B3GAT2: variants seen among roughly 807,000 people sequenced by gnomAD.
B3GAT2 encodes galactosylgalactosylxylosylprotein 3-beta-glucuronosyltransferase 2.
In B3GAT2, 26 loss-of-function variants were observed where a neutral mutation model predicts 27.8. The observed-to-expected ratio is 0.93, with a 90% CI of 0.68 to 1.30. The LOEUF (loss-of-function observed/expected upper bound fraction) is 1.30, where lower values mean the gene tolerates loss of function less well. Among genes scored for constraint, B3GAT2 ranks in the 50% most tolerant of loss-of-function variants. The pLI is 0.00. For missense variants in B3GAT2, 458 were observed against 459.0 expected, an observed-to-expected ratio of 1.00 and a Z score of 0.02; for synonymous variants, 218 against 195.1, an observed-to-expected ratio of 1.12 and a Z score of -0.98.
intron 2 of B3GAT2, among the ~76,000 whole-genome samples, chr6:70,887,457 T>G (rs1450664690): frequency 6.6e-6 from 1 of 152,170 alleles, no homozygotes; most frequent in Non-Finnish European, 1.5e-5. Flanking sequence ...TTTTAAAGGT[T>G]TGCCTGGTAA....
chr6:70,863,979 TG>T (rs1283233968), intron 2 of B3GAT2, among the ~76,000 whole-genome samples: 1 of 151,958 alleles, frequency 6.6e-6, no homozygotes, highest in East Asian at 1.9e-4. Context: ...GATAACGTAG[TG>T]TCCTTTCCAA....
intron 2 of B3GAT2, among the ~76,000 whole-genome samples, chr6:70,864,061 CTTTTTTTTTT>C (rs35544177): frequency 7.7e-5 from 10 of 129,794 alleles, no homozygotes; most frequent in African/African-American, 2.8e-4. Context: ...AAGCTTTATC[CTTTTTTTTTT>C]TTTTTTTTTT....
At chr6:70,914,241 T>C (rs1283622281) in intron 1 of B3GAT2, among the ~76,000 whole-genome samples, 1 of 152,174 alleles carries the variant, frequency 6.6e-6, no homozygotes, top group African/African-American at 2.4e-5. Flanking sequence ...CATCAACTCG[T>C]CATTTACATT....
intron 1 of B3GAT2, among the ~76,000 whole-genome samples, chr6:70,901,580 G>A (rs1438819752): frequency 2.0e-5 from 3 of 152,222 alleles, no homozygotes; most frequent in Non-Finnish European, 4.4e-5. Context: ...GTGAATTTGT[G>A]TACATTTGAC....
intron 1 of B3GAT2, among the ~76,000 whole-genome samples, chr6:70,895,953 T>C (rs1239402750): frequency 3.9e-5 from 6 of 152,152 alleles, no homozygotes; most frequent in African/African-American, 1.4e-4. Flanking sequence ...CCTTGGCTAG[T>C]GTCCGGGAAC....
chr6:70,914,072 A>G (rs544240276), intron 1 of B3GAT2, among the ~76,000 whole-genome samples: 44 of 152,218 alleles, frequency 2.9e-4, no homozygotes, highest in African/African-American at 1.0e-3. Flanking sequence ...TTTTGAGCCT[A>G]TGGGTAGCTC....
intron 1 of B3GAT2, among the ~76,000 whole-genome samples, chr6:70,924,179 T>TA (rs1772916537): frequency 6.6e-6 from 1 of 151,990 alleles, no homozygotes; most frequent in Admixed American, 6.6e-5. Flanking sequence ...CCTACCAGCA[T>TA]AAAAAATCAT....
At chr6:70,941,091 G>T (rs75515967) in intron 1 of B3GAT2, among the ~76,000 whole-genome samples, 1,754 of 152,166 alleles carry the variant, frequency 0.012, 32 homozygotes, top group African/African-American at 0.04. Context: ...AATCACCCTA[G>T]TAATACCCAA....
intron 1 of B3GAT2, among the ~76,000 whole-genome samples, chr6:70,896,904 CT>C (rs756196392): frequency 6.6e-6 from 1 of 152,070 alleles, no homozygotes; most frequent in Non-Finnish European, 1.5e-5. Context: ...ATTTCTTTCT[CT>C]TTTTTTTAAG....
Position 70,956,783 on chromosome 6 carries a change from T to C in B3GAT2, c.-354A>G. Reference sequence around the variant, plus strand: ...TCCCCACCGCGCTCTTTCTGAAGAGTGGAAGCCGAGAAGCGGCACCCGGTG... The same window carrying C: ...TCCCCACCGCGCTCTTTCTGAAGAGCGGAAGCCGAGAAGCGGCACCCGGTG... On this transcript the variant is annotated 5_prime_UTR_variant, in exon 1 of 4. Transcript: ENST00000230053. 1 of 1,115,814 alleles carries C rather than the reference T, an allele frequency of 9.0e-7. No homozygotes were observed. Among genetic ancestry groups the C allele is most frequent in the Non-Finnish European group, 1.1e-6 (1 of 913,192 alleles). The allele number at this position is 1,115,814 out of a possible 1,614,324, so 69.1% of individuals were successfully genotyped here.
chr6:70,956,410 G>A lies in B3GAT2; in HGVS notation c.20C>T (p.Thr7Ile). 2 of 1,551,834 alleles carry A rather than the reference G, an allele frequency of 1.3e-6. No individual in the cohort carries two copies. The highest frequency in any genetic ancestry group is 2.4e-5 in the South Asian group (2 of 84,126). ...CCAGGGCAGGAGGATAAAGAAGCGGGTGAAAAGCGCGGACTTCATGGTGCA... is the reference window on the plus strand; with the variant it reads ...CCAGGGCAGGAGGATAAAGAAGCGGATGAAAAGCGCGGACTTCATGGTGCA... MKSALFTRFFILLPWIL... is the reference protein window; with the variant it reads MKSALFIRFFILLPWIL... Residue 7 changes from threonine (T) to isoleucine (I), a missense_variant, in exon 1 of 4, where the codon ACC (threonine) becomes ATC (isoleucine). By Grantham distance (89) the Thr-to-Ile change is moderately conservative. Transcript: ENST00000230053.
At chr6:70,898,204 T>C (rs753225240) in intron 1 of B3GAT2, among the ~76,000 whole-genome samples, 8 of 152,218 alleles carry the variant, frequency 5.3e-5, no homozygotes, top group Non-Finnish European at 1.0e-4. Flanking sequence ...CTTAACAATA[T>C]TGAGTTTTCT....
intron 1 of B3GAT2, among the ~76,000 whole-genome samples, chr6:70,905,753 T>C (rs1169832202): frequency 2.0e-5 from 3 of 152,122 alleles, no homozygotes; most frequent in Non-Finnish European, 4.4e-5. Context: ...AGTCTTTTCA[T>C]GTAATAGGCA....
At chr6:70,946,360 G>A (rs1280061699) in intron 1 of B3GAT2, among the ~76,000 whole-genome samples, 1 of 151,970 alleles carries the variant, frequency 6.6e-6, no homozygotes, top group African/African-American at 2.4e-5. Flanking sequence ...GACACACATA[G>A]GCTCAAAATA....
intron 2 of B3GAT2, among the ~76,000 whole-genome samples, chr6:70,874,876 G>A (rs1771988356): frequency 6.6e-6 from 1 of 152,132 alleles, no homozygotes; most frequent in Non-Finnish European, 1.5e-5. Context: ...CTGCTATGCT[G>A]CTGGTTTTCA....
chr6:70,894,254 C>A lies in B3GAT2; in HGVS notation c.610G>T (p.Val204Phe), dbSNP rs1772341072. 6.3e-7 allele frequency: 1 copy of A among 1,594,176 alleles called. No homozygotes were observed. Among genetic ancestry groups the A allele is most frequent in the African/African-American group, 1.4e-5 (1 of 73,832 alleles). Reference protein sequence around the residue: ...LFQEMRTTRKVSVWPVGLVGG... With the variant: ...LFQEMRTTRKFSVWPVGLVGG... ...ACCAGGCCCACAGGCCAGACGGAGA[C>A]CTTGCGGGTGGTTCGCATCTATAAA... The change falls in exon 2 of 4, where the codon GTC becomes TTC. Residue 204 changes from valine to phenylalanine, a missense_variant. By Grantham distance (50) the Val-to-Phe change is conservative. Coordinates refer to ENST00000230053, the MANE Select transcript of B3GAT2 (RefSeq NM_080742.3).
intron 2 of B3GAT2, among the ~76,000 whole-genome samples, chr6:70,866,735 T>A (rs967105119): frequency 6.6e-6 from 1 of 152,016 alleles, no homozygotes; most frequent in Non-Finnish European, 1.5e-5. Flanking sequence ...GGAAAAAAAT[T>A]TGAAGAAATG....
At chr6:70,867,821 C>A (rs1247263221) in intron 2 of B3GAT2, among the ~76,000 whole-genome samples, 1 of 151,996 alleles carries the variant, frequency 6.6e-6, no homozygotes, top group Non-Finnish European at 1.5e-5. Flanking sequence ...TCCTGTAAGA[C>A]CAGCATTGCC....
intron 1 of B3GAT2, among the ~76,000 whole-genome samples, chr6:70,928,643 T>G (rs925710764): frequency 6.6e-6 from 1 of 152,166 alleles, no homozygotes; most frequent in Admixed American, 6.5e-5. Context: ...CAGGAAGAAG[T>G]TGAATCCCTG....
Sources: allele counts gnomAD v4.1 joint callset (sites outside exome capture counted in the v4.1 genomes callset), GRCh38; gene constraint gnomAD v4.1.1; transcripts MANE v1.5; gene names NCBI Gene and HGNC (gene_info 2026-07-23, HGNC 2026-07-21).